The following SLC24A1 variants were observed in gnomAD, a reference collection of about 807,000 sequenced individuals.
SLC24A1 encodes the protein solute carrier family 24 member 1.
SLC24A1 carries 52 observed loss-of-function variants against 88.1 expected under a neutral mutation model. The ratio of observed to expected loss-of-function variants is 0.59; its 90% CI spans 0.47 to 0.74. SLC24A1 has a LOEUF of 0.74. Among genes scored for constraint, SLC24A1 ranks in the 30% least tolerant of loss-of-function variants. SLC24A1 has a pLI of 0.00. For missense variants in SLC24A1, 1,173 were observed against 1,363.3 expected (o/e 0.86, Z 2.20); for synonymous variants, 455 against 498.0 (o/e 0.91, Z 1.15).
At chr15:65,642,302 G>A (rs1257849255) in intron 4 of SLC24A1, among the ~76,000 whole-genome samples, 2 of 152,170 alleles carry the variant, frequency 1.3e-5, no homozygotes, top group Non-Finnish European at 2.9e-5. Context: ...TGTTTCCTGG[G>A]GTCTGAACTC....
chr15:65,639,463 G>T, intron 3 of SLC24A1, 132 bp from the exon 4 acceptor site: 1 of 625,508 alleles, frequency 1.6e-6, no homozygotes, highest in Non-Finnish European at 2.9e-6. Flanking sequence ...TGGAGGAAGA[G>T]GGGAGGTCAG....
At position 65,652,819 on chromosome 15, in the gene SLC24A1, A is replaced by G. The variant is rs2075550604; in HGVS notation, c.3050+11A>G. ...TGATATCACTGTGGGGTGAGTGGCAATGTAACTTTCTAAGGGGTGTTAAGT... is the reference window on the plus strand; with the variant it reads ...TGATATCACTGTGGGGTGAGTGGCAGTGTAACTTTCTAAGGGGTGTTAAGT... On this transcript the variant is annotated intron_variant, in intron 9 of 9. Coordinates refer to ENST00000261892, the MANE Select transcript of SLC24A1 (RefSeq NM_004727.3). 2.5e-6 allele frequency: 4 copies of G among 1,583,680 alleles called. No individual in the cohort carries two copies. The African/African-American group carries it at 4.0e-5, about 16-fold the overall frequency.
chr15:65,615,885 CA>C lies in SLC24A1; in HGVS notation c.-227-2994del, dbSNP rs1324426428. On this transcript the variant is annotated intron_variant, in intron 2 of 11. Transcript: ENST00000537259. ...TAATGCTATCCCTCCCCCACCCCCCCACCCCCCAACAGGCCCCAGTGTGTGA... is the reference window on the plus strand; with the variant it reads ...TAATGCTATCCCTCCCCCACCCCCCCCCCCCCAACAGGCCCCAGTGTGTGA... Among the ~76,000 whole-genome samples the C allele has an allele frequency of 3.2e-3, 395 of 122,346 alleles. 4 individuals are homozygous for C. Among genetic ancestry groups the C allele is most frequent in the African/African-American group, 0.012 (370 of 29,688 alleles). The allele number at this position is 122,346 out of a possible 152,430, so 80.3% of individuals were successfully genotyped here.
chr15:65,653,910 C>A lies in SLC24A1; in HGVS notation c.3131C>A (p.Ala1044Glu). The A allele has an allele frequency of 6.2e-7, 1 of 1,613,922 alleles. No homozygotes were observed. The change falls in exon 10 of 10, where the codon GCA (alanine) becomes GAA (glutamate). Residue 1044 changes from alanine (A) to glutamate (E), a missense_variant. Physicochemically the swap from Ala to Glu is moderately radical, Grantham distance 107. Coordinates refer to ENST00000261892, the MANE Select transcript of SLC24A1 (RefSeq NM_004727.3). ...GTCAGCAGCAATGGCTTGTTTTGTG[C>A]AATTGTTTTGCTTTTTCTCATGCTT... ...VPVSSNGLFC[A>E]IVLLFLMLLF...
chr15:65,639,644 G>C lies in SLC24A1; in HGVS notation c.1994G>C (p.Ser665Thr). Residue 665 changes from serine (S) to threonine (T), a missense_variant, in exon 4 of 10, where the codon AGC becomes ACC. Physicochemically the swap from Ser to Thr is moderately conservative, Grantham distance 58. Transcript: ENST00000261892. Reference sequence around the variant, plus strand: ...AGCAGCTCGACCTCTCTGCACAACAGCACCATCCGCAGCACCATCTACCAG... The same window carrying C: ...AGCAGCTCGACCTCTCTGCACAACACCACCATCCGCAGCACCATCTACCAG... The part of the protein sequence containing the change: ...RGSSSTSLHN[S>T]TIRSTIYQLM... 6.2e-7 allele frequency: 1 copy of C among 1,613,040 alleles called. No individual in the cohort carries two copies. Among genetic ancestry groups the C allele is most frequent in the Non-Finnish European group, 8.5e-7 (1 of 1,179,560 alleles).
chr15:65,640,226 A>G (rs943398603), intron 4 of SLC24A1, among the ~76,000 whole-genome samples: 1 of 152,094 alleles, frequency 6.6e-6, no homozygotes, highest in Non-Finnish European at 1.5e-5. Flanking sequence ...GTCCTAGGAA[A>G]CCTGCCAACT....
rs142597696 is a variant in SLC24A1, at chr15:65,650,198, C to T, written c.2233-184C>T. On this transcript the variant is annotated intron_variant, in intron 6 of 9. Coordinates refer to ENST00000261892, the MANE Select transcript of SLC24A1 (RefSeq NM_004727.3). This position sits in a 1 kb window ranked among gnomAD's most constrained non-coding sequence, Gnocchi z 4.1. The stretch of plus-strand genomic sequence containing the variant: ...ACCCCTGGAAATGATCAAATAAAAG[C>T]TGGACAGCCACTAGGTAGGAGTGTG... 3.3e-3 allele frequency among the ~76,000 whole-genome samples: 503 copies of T among 152,300 alleles called. 2 individuals are homozygous for T. Among genetic ancestry groups the T allele is most frequent in the African/African-American group, 0.011 (476 of 41,564 alleles).
At position 65,639,670 on chromosome 15, in the gene SLC24A1, C is replaced by A. The variant is rs1278203503; in HGVS notation, c.2020C>A (p.Leu674Ile). Residue 674 changes from leucine (L) to isoleucine (I), a missense_variant, in exon 4 of 10, where the codon CTC becomes ATC. Leu to Ile is a conservative substitution (Grantham distance 5, BLOSUM62 2). Coordinates refer to ENST00000261892, the MANE Select transcript of SLC24A1 (RefSeq NM_004727.3). ...CACCATCCGCAGCACCATCTACCAG[C>A]TCATGCTCCACAGCCTGGACCCCCT... is the stretch of plus-strand genomic sequence containing the variant. ...NSTIRSTIYQ[L>I]MLHSLDPLRE... is the part of the protein sequence containing the mutation. 6.2e-7 allele frequency: 1 copy of A among 1,612,962 alleles called. No homozygotes were observed.
chr15:65,616,611 G>T (rs2074153634), intron 2 of SLC24A1, among the ~76,000 whole-genome samples: 1 of 152,160 alleles, frequency 6.6e-6, no homozygotes, highest in African/African-American at 2.4e-5. Flanking sequence ...GTTCTTTGTA[G>T]ATTCTGGATA....
chr15:65,652,667 A>T lies in SLC24A1; in HGVS notation c.2909A>T (p.Glu970Val). ...HQVGETIGIS[E>V]EIMGLTILAA... ...GTTGGTGAAACAATAGGGATTTCTG[A>T]AGAGATCATGGGCCTGACAATCCTT... Residue 970 changes from glutamate to valine, a missense_variant, in exon 9 of 10, where the codon GAA becomes GTA. Transcript: ENST00000261892. The T allele has an allele frequency of 6.2e-7, 1 of 1,613,998 alleles. No homozygotes were observed. Among genetic ancestry groups the T allele is most frequent in the Non-Finnish European group, 8.5e-7 (1 of 1,179,882 alleles).
rs1202525870 is a variant in SLC24A1 at position 65,651,739 on chromosome 15, A to AT, written c.2864dup (p.Met955IlefsTer10). On this transcript the variant is annotated frameshift_variant, in exon 8 of 10. Coordinates refer to ENST00000261892, the MANE Select transcript of SLC24A1 (RefSeq NM_004727.3). LOFTEE classifies it high-confidence loss of function. ...GTGGATAGCCATGTTCTCATACCTC[A>AT]TGGTGTGGTGGGCTCACCAGGTGAG... 1 of 1,603,500 alleles carries AT rather than the reference A, an allele frequency of 6.2e-7. No individual in the cohort carries two copies. The highest frequency in any genetic ancestry group is 1.1e-5 in the South Asian group (1 of 90,700).
chr15:65,624,663 A>T lies in SLC24A1; in HGVS notation c.583A>T (p.Arg195Ter). 6.3e-7 allele frequency: 1 copy of T among 1,598,138 alleles called. No homozygotes were observed. Among genetic ancestry groups the T allele is most frequent in the Non-Finnish European group, 8.5e-7 (1 of 1,172,262 alleles). The change falls in exon 2 of 10, where the codon AGA (arginine) becomes TGA (stop). Residue 195 changes from arginine to a stop codon, truncating the protein, a stop_gained. Coordinates refer to ENST00000261892, the MANE Select transcript of SLC24A1 (RefSeq NM_004727.3). LOFTEE classifies it high-confidence loss of function. ...GAAGTATACTCCTTCCCCACGTGGTAGAAGAGTAGGCACTTACGTGCCGTC... is the reference window on the plus strand; with the variant it reads ...GAAGTATACTCCTTCCCCACGTGGTTGAAGAGTAGGCACTTACGTGCCGTC... ...KVKYTPSPRG[R>*]RVGTYVPSTF...
chr15:65,617,423 C>T (rs887787372), upstream of SLC24A1, among the ~76,000 whole-genome samples: 1 of 152,174 alleles, frequency 6.6e-6, no homozygotes, highest in African/African-American at 2.4e-5. Flanking sequence ...GTTTGTAGTT[C>T]TCCTTGAGGA....
At chr15:65,612,368 A>G (rs938072590) in intron 1 of SLC24A1, 8 of 152,328 alleles carry the variant, frequency 5.3e-5, no homozygotes, top group African/African-American at 1.9e-4. Context: ...CGAGATTAGG[A>G]GATGGGACGA....
chr15:65,650,461 A>C lies in SLC24A1; in HGVS notation c.2312A>C (p.Glu771Ala), dbSNP rs2075457579. The change falls in exon 7 of 10, where the codon GAG (glutamate) becomes GCG (alanine). Residue 771 changes from glutamate to alanine, a missense_variant. By Grantham distance (107) the Glu-to-Ala change is moderately radical. Transcript: ENST00000261892. This position sits in a 1 kb window ranked among gnomAD's most constrained non-coding sequence, Gnocchi z 4.1. Reference protein sequence around the residue: ...GETAGEGETEEKSGGETQPEG... With the variant: ...GETAGEGETEAKSGGETQPEG... ...ACTGCTGGTGAAGGTGAAACTGAAG[A>C]GAAAAGTGGAGGTGAAACTCAACCA... is the stretch of plus-strand genomic sequence containing the variant. 2 of 1,551,658 alleles carry C rather than the reference A, an allele frequency of 1.3e-6. No individual in the cohort carries two copies. Among genetic ancestry groups the C allele is most frequent in the Admixed American group, 3.9e-5 (2 of 50,984 alleles).
At chr15:65,616,722 T>G (rs983332098) in intron 2 of SLC24A1, among the ~76,000 whole-genome samples, 3 of 152,228 alleles carry the variant, frequency 2.0e-5, no homozygotes, top group African/African-American at 7.2e-5. Context: ...AGAAGCTCTT[T>G]AGTTTAATTA....
chr15:65,649,501 G>A (rs2075422532), intron 6 of SLC24A1, among the ~76,000 whole-genome samples: 3 of 152,190 alleles, frequency 2.0e-5, no homozygotes, highest in African/African-American at 7.2e-5. Flanking sequence ...AGGATAGCTT[G>A]GTGGACCACC....
upstream of SLC24A1, among the ~76,000 whole-genome samples, chr15:65,620,683 T>C (rs536331132): frequency 6.6e-6 from 1 of 152,238 alleles, no homozygotes; most frequent in African/African-American, 2.4e-5. Flanking sequence ...TTTATGAACA[T>C]ATGAGAGAAA....
chr15:65,653,405 C>G (rs1162382556), intron 9 of SLC24A1, among the ~76,000 whole-genome samples: 1 of 151,050 alleles, frequency 6.6e-6, no homozygotes, highest in Non-Finnish European at 1.5e-5. Context: ...GCCCTCATCA[C>G]TAAAGAATTA....
Sources: allele counts gnomAD v4.1 joint callset (sites outside exome capture counted in the v4.1 genomes callset), GRCh38; gene constraint gnomAD v4.1.1; non-coding constraint Gnocchi (gnomAD v3.1); transcripts MANE v1.5; gene names NCBI Gene and HGNC (gene_info 2026-07-23, HGNC 2026-07-21).